The following PCDH15 variants were observed in gnomAD, a reference collection of about 807,000 sequenced individuals.
The protein encoded by PCDH15 is protocadherin related 15.
A neutral mutation model predicts 178.5 loss-of-function variants in PCDH15; 129 were observed. That is an observed-to-expected ratio of 0.72 (90% CI 0.63 to 0.84). The LOEUF (loss-of-function observed/expected upper bound fraction) is 0.84, where lower values mean the gene tolerates loss of function less well. Among genes scored for constraint, PCDH15 ranks in the 40% least tolerant of loss-of-function variants. The probability of loss-of-function intolerance (pLI) is 0.00; values close to 1 mark genes in which losing one functional copy is unlikely to be tolerated. For missense variants in PCDH15, 2,230 were observed against 2,099.9 expected, an observed-to-expected ratio of 1.06 and a Z score of -1.21; for synonymous variants, 800 against 732.0, an observed-to-expected ratio of 1.09 and a Z score of -1.50.
At chr10:53,811,742 T>C (rs1430663828) in intron 35 of PCDH15, 123 bp from the exon 36 acceptor site, 1 of 531,264 alleles carries the variant, frequency 1.9e-6, no homozygotes, top group African/African-American at 2.0e-5. Context: ...TAACTTTAAA[T>C]ACAAGTGTCA....
intron 2 of PCDH15, among the ~76,000 whole-genome samples, chr10:54,928,482 C>T (rs1436761992): frequency 6.6e-6 from 1 of 152,020 alleles, no homozygotes; most frequent in Non-Finnish European, 1.5e-5. Flanking sequence ...AAATGTTGGC[C>T]TTTCCAACCT....
intron 3 of PCDH15, among the ~76,000 whole-genome samples, chr10:54,840,786 C>T (rs1303491875): frequency 1.3e-5 from 2 of 151,700 alleles, no homozygotes; most frequent in Admixed American, 6.6e-5. Context: ...AGGAATACTT[C>T]GTTCAGACAA....
intron 3 of PCDH15, among the ~76,000 whole-genome samples, chr10:54,421,661 TGTATATATAC>T (rs1955339509): frequency 1.2e-5 from 1 of 85,474 alleles, no homozygotes. Context: ...ACATGTGTAG[TGTATATATAC>T]ATATATATAT....
chr10:55,299,960 A>G (rs1752556804), intron 1 of PCDH15, among the ~76,000 whole-genome samples: 1 of 152,234 alleles, frequency 6.6e-6, no homozygotes, highest in Admixed American at 6.5e-5. Flanking sequence ...AACAACTTAT[A>G]ACATTTTTGT....
intron 1 of PCDH15, among the ~76,000 whole-genome samples, chr10:54,747,410 A>G (rs368993736): frequency 1.2e-4 from 19 of 152,344 alleles, no homozygotes; most frequent in East Asian, 9.7e-4. Flanking sequence ...TAGGTGAACT[A>G]ATTAATCAAC....
chr10:54,480,971 T>A (rs1013808836), intron 3 of PCDH15, among the ~76,000 whole-genome samples: 58 of 151,942 alleles, frequency 3.8e-4, no homozygotes, highest in African/African-American at 1.4e-3. Context: ...TGAGAGCCCG[T>A]ATTGCTGATG....
intron 17 of PCDH15, among the ~76,000 whole-genome samples, chr10:54,067,173 C>T (rs1365863492): frequency 6.6e-6 from 1 of 152,086 alleles, no homozygotes; most frequent in African/African-American, 2.4e-5. Flanking sequence ...TTACCTTTAT[C>T]TTGTTCACAT....
At chr10:54,539,740 T>A (rs1318976159) in intron 2 of PCDH15, among the ~76,000 whole-genome samples, 2 of 152,066 alleles carry the variant, frequency 1.3e-5, no homozygotes, top group Non-Finnish European at 2.9e-5. Flanking sequence ...ATAAAGCAAG[T>A]TGGAAAAAAT....
At chr10:55,247,238 T>C (rs916819286) in intron 1 of PCDH15, among the ~76,000 whole-genome samples, 4 of 152,224 alleles carry the variant, frequency 2.6e-5, no homozygotes, top group Non-Finnish European at 5.9e-5. Flanking sequence ...TCTCTCATAG[T>C]GGCCAGCCTA....
intron 1 of PCDH15, among the ~76,000 whole-genome samples, chr10:55,278,945 A>G (rs952199968): frequency 3.9e-5 from 6 of 152,066 alleles, no homozygotes; most frequent in African/African-American, 1.4e-4. Context: ...TCAATTTTAT[A>G]CTCCATTTAA....
chr10:55,348,758 G>T (rs1844830291), intron 2 of PCDH15, among the ~76,000 whole-genome samples: 2 of 152,072 alleles, frequency 1.3e-5, no homozygotes, highest in African/African-American at 4.8e-5. Context: ...TTCTTACTGT[G>T]GGTCAAGGAA....
intron 2 of PCDH15, among the ~76,000 whole-genome samples, chr10:54,532,428 A>G (rs1446670466): frequency 2.6e-5 from 4 of 152,128 alleles, no homozygotes; most frequent in Admixed American, 2.6e-4. Flanking sequence ...AAGGTTTCCC[A>G]ATATATACTC....
chr10:54,730,908 T>C (rs2132647371), intron 1 of PCDH15, among the ~76,000 whole-genome samples: 1 of 151,430 alleles, frequency 6.6e-6, no homozygotes, highest in Middle Eastern at 3.4e-3. Flanking sequence ...AATATAGACA[T>C]ATGAAATTAC....
rs576987254 is a variant in PCDH15 at position 54,985,126 on chromosome 10, C to A, written c.-79-87626G>T. Among the ~76,000 whole-genome samples the A allele has an allele frequency of 5.9e-5, 9 of 152,124 alleles. No individual in the cohort carries two copies. The East Asian group carries it at 1.5e-3, about 26-fold the overall frequency. Reference sequence around the variant, plus strand: ...AGATATTAGAGTATTTTTTGACCTACAAAATGGGCAATTTTATATTCTTCA... The same window carrying A: ...AGATATTAGAGTATTTTTTGACCTAAAAAATGGGCAATTTTATATTCTTCA... On this transcript the variant is annotated intron_variant, in intron 2 of 5. Coordinates refer to the PCDH15 transcript ENST00000458638.
chr10:54,071,743 A>T (rs1355622953), intron 17 of PCDH15, among the ~76,000 whole-genome samples: 1 of 152,108 alleles, frequency 6.6e-6, no homozygotes, highest in Non-Finnish European at 1.5e-5. Context: ...AGAAAGCAGA[A>T]AACATTATCA....
intron 2 of PCDH15, among the ~76,000 whole-genome samples, chr10:54,966,421 C>T (rs965436763): frequency 2.6e-5 from 4 of 152,056 alleles, no homozygotes; most frequent in African/African-American, 9.7e-5. Context: ...AATGCACTTA[C>T]ATAAACCTAG....
chr10:54,367,462 T>C (rs1946973235), intron 5 of PCDH15, among the ~76,000 whole-genome samples: 1 of 152,042 alleles, frequency 6.6e-6, no homozygotes, highest in South Asian at 2.1e-4. Context: ...ACATTATAAA[T>C]TTCTGAAAGA....
At chr10:54,023,786 T>C (rs2093001301) in intron 18 of PCDH15, among the ~76,000 whole-genome samples, 2 of 151,708 alleles carry the variant, frequency 1.3e-5, no homozygotes, top group African/African-American at 4.8e-5. Context: ...TATGAGTAAA[T>C]ATTATTAATC....
At chr10:53,808,326 GTGTGTATATA>G (rs774201348) in intron 37 of PCDH15, 160 of 452,078 alleles carry the variant, frequency 3.5e-4, no homozygotes, top group Middle Eastern at 1.1e-3. Context: ...TATAGTGTGT[GTGTGTATATA>G]TATATATATA....
Sources: gnomAD v4.1 joint callset for allele counts (sites outside exome capture counted in the v4.1 genomes callset) on GRCh38, gnomAD v4.1.1 for gene constraint, MANE v1.5 for transcripts, NCBI Gene and HGNC (gene_info 2026-07-23, HGNC 2026-07-21) for gene names.